KCNK15: variants seen among roughly 807,000 people sequenced by gnomAD.
KCNK15 encodes potassium two pore domain channel subfamily K member 15.
In KCNK15, 9 loss-of-function variants were observed where a neutral mutation model predicts 8.5. That is an observed-to-expected ratio of 1.06 (90% confidence interval 0.64 to 1.85). The LOEUF (loss-of-function observed/expected upper bound fraction) is 1.85, where lower values mean the gene tolerates loss of function less well. Ranked by LOEUF, KCNK15 falls within the 40% of genes most tolerant of loss-of-function variation. The pLI, the probability that KCNK15 is intolerant of heterozygous loss-of-function variation, is 0.00. For missense variants in KCNK15, 467 were observed against 476.8 expected (o/e 0.98, Z 0.19); for synonymous variants, 224 against 232.7 (o/e 0.96, Z 0.34).
rs1456081720 is a variant in KCNK15, at chr20:44,750,546, T to A, written c.701T>A (p.Val234Asp). Residue 234 changes from valine (V) to aspartate (D), a missense_variant, in exon 2 of 2, where the codon GTC becomes GAC. Val to Asp is a radical substitution (Grantham distance 152, BLOSUM62 -3). Around this residue, in one of 2 missense-constraint regions of KCNK15, gnomAD observed 455 missense variants for 441.2 expected, o/e 1.03. Transcript: ENST00000372861. Reference sequence around the variant, plus strand: ...CTCTACATCCTCCTGGGGCTCACGGTCATTGGCGCCTTCCTCAACCTGGTG... The same window carrying A: ...CTCTACATCCTCCTGGGGCTCACGGACATTGGCGCCTTCCTCAACCTGGTG... ...SFLYILLGLTVIGAFLNLVVL... is the reference protein window; with the variant it reads ...SFLYILLGLTDIGAFLNLVVL... The A allele has an allele frequency of 1.9e-6, 3 of 1,609,368 alleles. No homozygotes were observed. In the South Asian group the frequency reaches 3.3e-5, roughly 18 times the overall value.
At chr20:44,750,057 C>A in intron 1 of KCNK15, 72 bp from the exon 2 acceptor site, 1 of 1,398,220 alleles carries the variant, frequency 7.2e-7, no homozygotes, top group East Asian at 2.4e-5. Flanking sequence ...GCCGGGCAGG[C>A]AGGCTGCGGG....
intron 1 of KCNK15, 109 bp downstream of exon 1, chr20:44,746,302 G>C: frequency 9.8e-7 from 1 of 1,024,686 alleles, no homozygotes; most frequent in Non-Finnish European, 1.3e-6. Flanking sequence ...TACTTTGGAC[G>C]GGTCATTTCG....
At chr20:44,749,969 A>C (rs73286482) in intron 1 of KCNK15, among the ~76,000 whole-genome samples, 160 bp from the exon 2 acceptor site, 3,265 of 152,254 alleles carry the variant, frequency 0.021, 110 homozygotes, top group African/African-American at 0.075. Flanking sequence ...GGGTTGTCTG[A>C]AGTTTGGGGT....
intron 1 of KCNK15, among the ~76,000 whole-genome samples, chr20:44,748,244 T>C (rs1366329579): frequency 6.6e-6 from 1 of 152,136 alleles, no homozygotes; most frequent in Non-Finnish European, 1.5e-5. Context: ...ATTGAGCTTC[T>C]GGTCTACGTC....
At position 44,751,097 on chromosome 20, in the gene KCNK15, G is replaced by T. The variant is rs757280825; in HGVS notation, c.*259G>T. On this transcript the variant is annotated 3_prime_UTR_variant, in exon 2 of 2. Coordinates refer to ENST00000372861, the MANE Select transcript of KCNK15 (RefSeq NM_022358.4). ...GTAGTCCAAATTGTATGAGGGCGTG[G>T]CCACATCAGCACTTAGGAGAGGCTC... The T allele has an allele frequency of 5.5e-4, 170 of 311,326 alleles. No individual in the cohort carries two copies. The highest frequency in any genetic ancestry group is 5.2e-4 in the Non-Finnish European group (89 of 171,926). 19.3% of individuals were successfully genotyped at this position (311,326 alleles called of 1,614,324 possible). A position where few individuals can be genotyped will look rare whatever the true frequency, so the allele number is the denominator to read the frequency against.
intron 1 of KCNK15, among the ~76,000 whole-genome samples, chr20:44,749,347 C>A (rs940200721): frequency 1.3e-5 from 2 of 152,076 alleles, no homozygotes; most frequent in African/African-American, 4.8e-5. Context: ...CTCAAGATTG[C>A]CCAGTCGTGT....
In KCNK15 at chr20:44,750,763, T is replaced by C. The variant is rs73286484; in HGVS notation, c.918T>C (p.Phe306=). 6,072 of 1,509,840 alleles carry C rather than the reference T, an allele frequency of 4.0e-3. 213 individuals carry two copies. The African/African-American group carries it at 0.075, about 19-fold the overall frequency. 93.5% of individuals were successfully genotyped at this position (1,509,840 alleles called of 1,614,324 possible). A position where few individuals can be genotyped will look rare whatever the true frequency, so the allele number is the denominator to read the frequency against. ...LERCARDNLG[F]SPPSSPGVVR... is the part of the protein sequence containing the mutation. ...GGTGCGCCCGCGACAACCTGGGCTT[T>C]TCGCCCCCCTCGAGCCCGGGGGTCG... Residue 306 remains phenylalanine (F), a synonymous_variant, in exon 2 of 2, where the codon TTT becomes TTC. Coordinates refer to ENST00000372861, the MANE Select transcript of KCNK15 (RefSeq NM_022358.4).
In KCNK15 at chr20:44,751,294, T is replaced by C. The variant is rs1357687169; in HGVS notation, c.*456T>C. 6.5e-6 allele frequency: 1 copy of C among 153,204 alleles called. No homozygotes were observed. The highest frequency in any genetic ancestry group is 1.5e-5 in the Non-Finnish European group (1 of 68,820). 9.5% of individuals were successfully genotyped at this position (153,204 alleles called of 1,614,324 possible). A position where few individuals can be genotyped will look rare whatever the true frequency, so the allele number is the denominator to read the frequency against. ...GCATGGGGAACAAAGGTGGACCAAA[T>C]GGGACCGTGTACAGTCCAGTGTTGA... On this transcript the variant is annotated 3_prime_UTR_variant, in exon 2 of 2. Coordinates refer to ENST00000372861, the MANE Select transcript of KCNK15 (RefSeq NM_022358.4).
In KCNK15 at chr20:44,746,101, G is replaced by T. The variant is rs757307653; in HGVS notation, c.191G>T (p.Arg64Leu). 2.0e-6 allele frequency: 3 copies of T among 1,510,964 alleles called. No homozygotes were observed. The highest frequency in any genetic ancestry group is 2.7e-6 in the Non-Finnish European group (3 of 1,125,980). 93.6% of individuals were successfully genotyped at this position (1,510,964 alleles called of 1,614,324 possible). The change falls in exon 1 of 2, where the codon CGC becomes CTC. Residue 64 changes from arginine (R) to leucine (L), a missense_variant. Transcript: ENST00000372861. ...GCCGAGGACTACCGCGAGCTGGAGC[G>T]CCTGGCGCTCCAGGCTGAGCCCCAC... ...FSAEDYRELE[R>L]LALQAEPHRA... is the part of the protein sequence containing the mutation.
intron 1 of KCNK15, among the ~76,000 whole-genome samples, chr20:44,749,455 G>C (rs1281898212): frequency 1.3e-5 from 2 of 152,184 alleles, no homozygotes; most frequent in Non-Finnish European, 2.9e-5. Context: ...GAGCAGTGGA[G>C]GGGGAGGTAG....
Position 44,750,359 on chromosome 20 carries a change from G to A in KCNK15, c.514G>A (p.Ala172Thr), listed in dbSNP as rs752195889. The A allele has an allele frequency of 1.7e-5, 27 of 1,613,072 alleles. No homozygotes were observed. In the East Asian group the frequency reaches 3.3e-4, roughly 20 times the overall value. Residue 172 changes from alanine to threonine, a missense_variant, in exon 2 of 2, where the codon GCC (alanine) becomes ACC (threonine). Around this residue, in one of 2 missense-constraint regions of KCNK15, gnomAD observed 455 missense variants for 441.2 expected, o/e 1.03. Transcript: ENST00000372861. ...AGLLACAATL[A>T]LGAVAFSHFE... is the part of the protein sequence containing the mutation. Reference sequence around the variant, plus strand: ...GCTGCTGGCGTGTGCCGCCACCCTGGCCCTCGGGGCCGTCGCCTTCTCGCA... The same window carrying A: ...GCTGCTGGCGTGTGCCGCCACCCTGACCCTCGGGGCCGTCGCCTTCTCGCA...
Position 44,750,244 on chromosome 20 carries a change from C to T in KCNK15, c.399C>T (p.Asn133=), listed in dbSNP as rs1238075754. The change falls in exon 2 of 2, where the codon AAC becomes AAT. Residue 133 remains asparagine (N), a synonymous_variant. Coordinates refer to ENST00000372861, the MANE Select transcript of KCNK15 (RefSeq NM_022358.4). ...VTFQSLGERL[N]AVVRRLLLAA... ...TCCAGAGCCTGGGCGAACGGCTGAA[C>T]GCGGTGGTGCGGCGCCTCCTGTTGG... 2.5e-6 allele frequency: 4 copies of T among 1,609,128 alleles called. No individual in the cohort carries two copies. The highest frequency in any genetic ancestry group is 2.2e-5 in the East Asian group (1 of 44,630).
At chr20:44,748,394 A>T (rs1320012924) in intron 1 of KCNK15, among the ~76,000 whole-genome samples, 2 of 152,166 alleles carry the variant, frequency 1.3e-5, no homozygotes, top group Non-Finnish European at 2.9e-5. Flanking sequence ...TGCAACAGAA[A>T]TGTGGAAGTG....
chr20:44,748,088 G>A (rs1403900536), intron 1 of KCNK15, among the ~76,000 whole-genome samples: 1 of 152,194 alleles, frequency 6.6e-6, no homozygotes, highest in Non-Finnish European at 1.5e-5. Context: ...GTTAGTTACT[G>A]TCATTATTAG....
chr20:44,750,645 G>T lies in KCNK15; in HGVS notation c.800G>T (p.Gly267Val), dbSNP rs776316486. Reference sequence around the variant, plus strand: ...CGCACCCCCAGCCCGCGCCCCCCGGGGGCGCCCGAGAGCCGTGGCCTCTGG... The same window carrying T: ...CGCACCCCCAGCCCGCGCCCCCCGGTGGCGCCCGAGAGCCGTGGCCTCTGG... ...AARTPSPRPP[G>V]APESRGLWLP... is the part of the protein sequence containing the mutation. The change falls in exon 2 of 2, where the codon GGG becomes GTG. Residue 267 changes from glycine to valine, a missense_variant. By Grantham distance (109) the Gly-to-Val change is moderately radical (BLOSUM62 -3). This residue lies in a region of KCNK15 where 455 missense variants were observed against 441.2 expected (regional missense o/e 1.03). Transcript: ENST00000372861. 2 of 1,542,374 alleles carry T rather than the reference G, an allele frequency of 1.3e-6. No individual in the cohort carries two copies. Among genetic ancestry groups the T allele is most frequent in the East Asian group, 4.8e-5 (2 of 41,432 alleles).
chr20:44,750,151 T>C lies in KCNK15; in HGVS notation c.306T>C (p.Gly102=). The C allele has an allele frequency of 6.2e-7, 1 of 1,610,714 alleles. No individual in the cohort carries two copies. The highest frequency in any genetic ancestry group is 1.1e-5 in the South Asian group (1 of 90,800). The change falls in exon 2 of 2, where the codon GGT becomes GGC. Residue 102 remains glycine (G), a synonymous_variant. Coordinates refer to ENST00000372861, the MANE Select transcript of KCNK15 (RefSeq NM_022358.4). ...TAGAGTACGGCCACGCCGCGCCGGG[T>C]ACGGACTCCGGCAAGGTCTTCTGCA... The part of the protein sequence containing the change: ...TTIEYGHAAP[G]TDSGKVFCMF...
chr20:44,747,008 G>C (rs2145434415), intron 1 of KCNK15: 1 of 152,334 alleles, frequency 6.6e-6, no homozygotes, highest in Admixed American at 6.5e-5. Flanking sequence ...AGAGAAGTGG[G>C]CTCTGCAGGG....
At position 44,750,798 on chromosome 20, in the gene KCNK15, G is replaced by A. The variant is rs2066028252; in HGVS notation, c.953G>A (p.Gly318Glu). The A allele has an allele frequency of 3.3e-6, 5 of 1,496,208 alleles. No homozygotes were observed. The highest frequency in any genetic ancestry group is 4.4e-6 in the Non-Finnish European group (5 of 1,128,000). 92.7% of individuals were successfully genotyped at this position (1,496,208 alleles called of 1,614,324 possible). The change falls in exon 2 of 2, where the codon GGG becomes GAG. Residue 318 changes from glycine (G) to glutamate (E), a missense_variant. This residue lies in a region of KCNK15 where 455 missense variants were observed against 441.2 expected (regional missense o/e 1.03). Coordinates refer to ENST00000372861, the MANE Select transcript of KCNK15 (RefSeq NM_022358.4). ...TCGAGCCCGGGGGTCGTGCGTGGCGGGCAGGCTCCCAGGCTTGGGGCCCGG... is the reference window on the plus strand; with the variant it reads ...TCGAGCCCGGGGGTCGTGCGTGGCGAGCAGGCTCCCAGGCTTGGGGCCCGG... Reference protein sequence around the residue: ...PPSSPGVVRGGQAPRLGARWK... With the variant: ...PPSSPGVVRGEQAPRLGARWK...
At chr20:44,749,709 C>T (rs894953022) in intron 1 of KCNK15, among the ~76,000 whole-genome samples, 5 of 152,108 alleles carry the variant, frequency 3.3e-5, no homozygotes, top group South Asian at 4.1e-4. Flanking sequence ...TAAGCCTGCC[C>T]CCAACCCCAG....
Sources: gnomAD v4.1 joint callset for allele counts (sites outside exome capture counted in the v4.1 genomes callset) on GRCh38, gnomAD v4.1.1 for gene constraint, gnomAD v4.1.1 regional missense constraint, MANE v1.5 for transcripts, NCBI Gene and HGNC (gene_info 2026-07-23, HGNC 2026-07-21) for gene names.